SLIT3: variants seen among roughly 807,000 people sequenced by gnomAD.
The protein encoded by SLIT3 is slit homolog 3 protein.
Under a neutral mutation model 184.0 loss-of-function variants are expected in SLIT3, and 68 were observed. That is an observed-to-expected ratio of 0.37 (90% CI 0.30 to 0.45). SLIT3 has a LOEUF of 0.45. SLIT3 is among the 20% of genes least tolerant of loss of function. SLIT3 has a pLI of 1.00. For synonymous variants in SLIT3, 831 were observed against 828.6 expected, an observed-to-expected ratio of 1.00 and a Z score of -0.05; for missense variants, 1,707 against 2,026.0, an observed-to-expected ratio of 0.84 and a Z score of 3.02.
At chr5:169,087,974 C>T (rs1759377923) in intron 4 of SLIT3, among the ~76,000 whole-genome samples, 1 of 152,190 alleles carries the variant, frequency 6.6e-6, no homozygotes, top group Non-Finnish European at 1.5e-5. Context: ...TCTTTATCCT[C>T]CTACCACCCT....
At chr5:169,186,920 G>GCATATAGTT (rs1308102902) in intron 4 of SLIT3, among the ~76,000 whole-genome samples, 1 of 152,054 alleles carries the variant, frequency 6.6e-6, no homozygotes, top group Non-Finnish European at 1.5e-5. Context: ...TGGCCACATT[G>GCATATAGTT]CATATAGTTG....
intron 6 of SLIT3, among the ~76,000 whole-genome samples, chr5:168,842,481 T>TTTTG (rs1758300752): frequency 6.8e-6 from 1 of 146,770 alleles, no homozygotes; most frequent in Non-Finnish European, 1.5e-5. Context: ...TTTTTTTTTT[T>TTTTG]TTTTTTGTAT....
intron 4 of SLIT3, among the ~76,000 whole-genome samples, chr5:168,958,065 A>G (rs868048586): frequency 3.3e-5 from 5 of 152,216 alleles, no homozygotes; most frequent in African/African-American, 1.2e-4. Flanking sequence ...ACCTGCCACT[A>G]AGATAACTCC....
chr5:168,717,822 G>A (rs1294125744), intron 23 of SLIT3, among the ~76,000 whole-genome samples: 2 of 151,898 alleles, frequency 1.3e-5, no homozygotes, highest in Admixed American at 6.6e-5. Flanking sequence ...CACTACGTCC[G>A]GCTAATTTTT....
At chr5:169,102,371 G>A (rs1180751873) in intron 4 of SLIT3, among the ~76,000 whole-genome samples, 1 of 152,030 alleles carries the variant, frequency 6.6e-6, no homozygotes, top group Non-Finnish European at 1.5e-5. Flanking sequence ...CAGTACCTGT[G>A]GGGGATTGGT....
In SLIT3 at chr5:168,724,585, C is replaced by T. The variant is rs1172809032; in HGVS notation, c.2271-101G>A. 9.3e-6 allele frequency: 7 copies of T among 753,738 alleles called. No homozygotes were observed. In the South Asian group the frequency reaches 1.1e-4, roughly 12 times the overall value. The allele number at this position is 753,738 out of a possible 1,614,324, so 46.7% of individuals were successfully genotyped here. ...TGACTTTCCAGGCTGGATTAGGTCC[C>T]TCTTTTACTCTTAGAGCCTCCCTCC... On this transcript the variant is annotated intron_variant, in intron 20 of 35. Transcript: ENST00000519560.
chr5:168,869,565 A>C (rs1581162535), intron 5 of SLIT3, among the ~76,000 whole-genome samples: 1 of 152,206 alleles, frequency 6.6e-6, no homozygotes, highest in Admixed American at 6.5e-5. Context: ...TTTGGTGTAC[A>C]TGTCGGCAGT....
intron 29 of SLIT3, among the ~76,000 whole-genome samples, chr5:168,692,219 C>T (rs1761927800): frequency 6.6e-6 from 1 of 152,208 alleles, no homozygotes. Flanking sequence ...ACCAAATACC[C>T]TTTAGACGCT....
chr5:168,918,438 G>A (rs1761519856), intron 4 of SLIT3, among the ~76,000 whole-genome samples: 1 of 152,186 alleles, frequency 6.6e-6, no homozygotes, highest in African/African-American at 2.4e-5. Context: ...TTTGATAAGG[G>A]AAGTTGGTAT....
In SLIT3 at chr5:168,753,966, G is replaced by C. The variant is rs778049104; in HGVS notation, c.1727C>G (p.Ala576Gly). 2.5e-6 allele frequency: 4 copies of C among 1,608,580 alleles called. No individual in the cohort carries two copies. The highest frequency in any genetic ancestry group is 3.4e-6 in the Non-Finnish European group (4 of 1,179,082). ...CTGCACGCTGGCTGCTCCATCGAAA[G>C]CTCCCTCTCGCACCTCCTTGATCTT... is the stretch of plus-strand genomic sequence containing the variant. ...NNKIKEVREG[A>G]FDGAASVQEL... Residue 576 changes from alanine to glycine, a missense_variant, in exon 17 of 36, where the codon GCT (alanine) becomes GGT (glycine). Transcript: ENST00000519560.
chr5:169,298,467 T>C (rs1164176431), intron 1 of SLIT3, among the ~76,000 whole-genome samples: 2 of 152,142 alleles, frequency 1.3e-5, no homozygotes, highest in Non-Finnish European at 2.9e-5. Flanking sequence ...GAGAGGGACT[T>C]ACTCTTCTTG....
intron 4 of SLIT3, among the ~76,000 whole-genome samples, chr5:168,931,603 A>C (rs1304559670): frequency 6.6e-6 from 1 of 152,172 alleles, no homozygotes; most frequent in East Asian, 1.9e-4. Flanking sequence ...GTGTGTACTG[A>C]GTATACGATG....
intron 4 of SLIT3, among the ~76,000 whole-genome samples, chr5:168,904,232 T>G (rs901084197): frequency 6.6e-6 from 1 of 152,150 alleles, no homozygotes; most frequent in Non-Finnish European, 1.5e-5. Context: ...AACTTGGGGA[T>G]CACACATTCT....
At chr5:168,853,408 T>A (rs1336419227) in intron 5 of SLIT3, among the ~76,000 whole-genome samples, 1 of 152,204 alleles carries the variant, frequency 6.6e-6, no homozygotes, top group Non-Finnish European at 1.5e-5. Flanking sequence ...CCACCTAAAA[T>A]AGTCAAATGC....
chr5:169,023,937 G>T (rs1316713133), intron 4 of SLIT3: 1 of 152,158 alleles, frequency 6.6e-6, no homozygotes, highest in Non-Finnish European at 1.5e-5. Flanking sequence ...GGAAACATTC[G>T]CATGCTACAA....
intron 5 of SLIT3, among the ~76,000 whole-genome samples, chr5:168,852,405 C>T (rs1561968502): frequency 6.6e-6 from 1 of 152,178 alleles, no homozygotes; most frequent in Non-Finnish European, 1.5e-5. Flanking sequence ...ATTCCAGCTG[C>T]GTGAATATGA....
chr5:169,172,007 T>C (rs546958821), intron 4 of SLIT3, among the ~76,000 whole-genome samples: 38 of 152,248 alleles, frequency 2.5e-4, no homozygotes, highest in African/African-American at 8.9e-4. Context: ...GGAGGGGAAA[T>C]GCCACCTTTC....
At chr5:168,719,513 C>T (rs549472223) in intron 23 of SLIT3, among the ~76,000 whole-genome samples, 1 of 152,308 alleles carries the variant, frequency 6.6e-6, no homozygotes, top group South Asian at 2.1e-4. Flanking sequence ...TTTATTTCTC[C>T]ATGTAACGCT....
intron 23 of SLIT3, among the ~76,000 whole-genome samples, chr5:168,721,955 A>T (rs933777792): frequency 6.6e-6 from 1 of 152,190 alleles, no homozygotes; most frequent in Admixed American, 6.5e-5. Context: ...ATACAATTGC[A>T]TATCCTAATC....
Sources: gnomAD v4.1 joint callset for allele counts (sites outside exome capture counted in the v4.1 genomes callset) on GRCh38, gnomAD v4.1.1 for gene constraint, MANE v1.5 for transcripts, NCBI Gene and HGNC (gene_info 2026-07-23, HGNC 2026-07-21) for gene names.